Variants in DARS2 observed in about 807,000 individuals in gnomAD.
The protein encoded by DARS2 is aspartate--tRNA ligase, mitochondrial.
In DARS2, 63 loss-of-function variants were observed where a neutral mutation model predicts 83.0. The ratio of observed to expected loss-of-function variants is 0.76; its 90% CI spans 0.62 to 0.94. DARS2 has a LOEUF of 0.94. Among genes scored for constraint, DARS2 ranks in the 40% least tolerant of loss-of-function variants. DARS2 has a pLI of 0.00. For missense variants in DARS2, 675 were observed against 774.4 expected (o/e 0.87, Z 1.52); for synonymous variants, 250 against 269.3 (o/e 0.93, Z 0.70).
chr1:173,826,894 C>T (rs1209939234), intron 2 of DARS2, 108 bp downstream of exon 2: 1 of 830,850 alleles, frequency 1.2e-6, no homozygotes, highest in Admixed American at 1.9e-5. Context: ...TTTTGCAACT[C>T]CTGCAGGATT....
At chr1:173,826,223 CA>C (rs374688029) in intron 1 of DARS2, among the ~76,000 whole-genome samples, 13,183 of 124,310 alleles carry the variant, frequency 0.11, 1,787 homozygotes, top group African/African-American at 0.33. Flanking sequence ...GACTCCATCT[CA>C]AAAAAAAAAA....
rs1283319624 is a variant in DARS2, at chr1:173,836,937, A to G, written c.664-3A>G. On this transcript the variant is annotated splice_polypyrimidine_tract_variant and splice_region_variant and intron_variant, in intron 7 of 16. Coordinates refer to ENST00000649689, the MANE Select transcript of DARS2 (RefSeq NM_018122.5). ...CTTCTCTCTCTTTCTCTCTCTTTGA[A>G]AGGGTGCCAAAGAGTTTTTAGTACC... 6.2e-7 allele frequency: 1 copy of G among 1,610,716 alleles called. No individual in the cohort carries two copies. Among genetic ancestry groups the G allele is most frequent in the African/African-American group, 1.3e-5 (1 of 74,820 alleles).
intron 13 of DARS2, 101 bp downstream of exon 13, chr1:173,850,580 T>A: frequency 8.4e-7 from 1 of 1,197,448 alleles, no homozygotes; most frequent in Non-Finnish European, 1.2e-6. Flanking sequence ...TGTTAATTCA[T>A]AAAATGGAGC....
chr1:173,837,826 T>C (rs1653059498), intron 8 of DARS2, among the ~76,000 whole-genome samples: 1 of 151,890 alleles, frequency 6.6e-6, no homozygotes, highest in Non-Finnish European at 1.5e-5. Flanking sequence ...CAAGCTGGAG[T>C]GCAATGGCGC....
At chr1:173,827,173 A>C (rs183766534) in intron 2 of DARS2, among the ~76,000 whole-genome samples, 1 of 152,320 alleles carries the variant, frequency 6.6e-6, no homozygotes, top group Non-Finnish European at 1.5e-5. Context: ...GGAAAAGCTC[A>C]TCTTATTCCA....
At chr1:173,827,290 A>G (rs1288720922) in intron 2 of DARS2, among the ~76,000 whole-genome samples, 2 of 152,202 alleles carry the variant, frequency 1.3e-5, no homozygotes, top group African/African-American at 4.8e-5. Context: ...TGAATAGAAC[A>G]TTAATTCACA....
rs376561321 is a variant in DARS2 at position 173,828,319 on chromosome 1, C to T, written c.228-14C>T. 4 of 1,353,258 alleles carry T rather than the reference C, an allele frequency of 3.0e-6. No individual in the cohort carries two copies. Among genetic ancestry groups the T allele is most frequent in the Non-Finnish European group, 4.1e-6 (4 of 972,094 alleles). 83.8% of individuals were successfully genotyped at this position (1,353,258 alleles called of 1,614,324 possible). On this transcript the variant is annotated splice_polypyrimidine_tract_variant and intron_variant, in intron 2 of 16. Coordinates refer to ENST00000649689, the MANE Select transcript of DARS2 (RefSeq NM_018122.5). ...TATCTTAAAATGTTTCTTTTCCCCCCCCCCATTAATCAGGCAAAACACATT... is the reference window on the plus strand; with the variant it reads ...TATCTTAAAATGTTTCTTTTCCCCCTCCCCATTAATCAGGCAAAACACATT...
chr1:173,830,574 C>A, intron 3 of DARS2, 86 bp from the exon 4 acceptor site: 1 of 1,095,610 alleles, frequency 9.1e-7, no homozygotes, highest in Non-Finnish European at 1.4e-6. Flanking sequence ...TGACTATTAA[C>A]GTTTTTTAAA....
chr1:173,831,850 GT>G (rs1205516733), intron 5 of DARS2, among the ~76,000 whole-genome samples: 2 of 152,116 alleles, frequency 1.3e-5, no homozygotes, highest in Non-Finnish European at 2.9e-5. Context: ...TACCTAGACT[GT>G]TTTTTCAGAC....
rs1304745729 is a variant in DARS2 at position 173,842,317 on chromosome 1, T to TTTTTTTTTTTTTTTTTTTTTTG, written c.1128+1344_1128+1345insTTTTTTTTTTTTTTTTTTTTTG. Reference sequence around the variant, plus strand: ...TTTTTTTTTTTTTTTTTTTTTTTTTTAGAGTGAGTCTTGCTCTGTCGCCCA... The same window carrying TTTTTTTTTTTTTTTTTTTTTTG: ...TTTTTTTTTTTTTTTTTTTTTTTTTTTTTTTTTTTTTTTTTTTTTTTGAGAGTGAGTCTTGCTCTGTCGCCCA... On this transcript the variant is annotated intron_variant, in intron 11 of 16. Coordinates refer to ENST00000649689, the MANE Select transcript of DARS2 (RefSeq NM_018122.5). Among the ~76,000 whole-genome samples, 23 of 116,628 alleles carry TTTTTTTTTTTTTTTTTTTTTTG rather than the reference T, an allele frequency of 2.0e-4. 5 individuals are homozygous for TTTTTTTTTTTTTTTTTTTTTTG. Among genetic ancestry groups the TTTTTTTTTTTTTTTTTTTTTTG allele is most frequent in the African/African-American group, 9.8e-4 (23 of 23,540 alleles). The allele number at this position is 116,628 out of a possible 152,430, so 76.5% of individuals were successfully genotyped here.
intron 12 of DARS2, among the ~76,000 whole-genome samples, chr1:173,847,946 A>C (rs1320391524): frequency 7.3e-6 from 1 of 137,226 alleles, no homozygotes; most frequent in Non-Finnish European, 1.5e-5. Flanking sequence ...TCCGCCTCCC[A>C]GGTTCACGCC....
intron 16 of DARS2, among the ~76,000 whole-genome samples, chr1:173,857,212 C>T (rs917617975): frequency 6.6e-6 from 1 of 152,146 alleles, no homozygotes; most frequent in Non-Finnish European, 1.5e-5. Context: ...TTATGGAGTT[C>T]CCTGCCAAGC....
Position 173,847,249 on chromosome 1 carries a change from C to T in DARS2, c.1191+1958C>T, listed in dbSNP as rs561379528. 5.5e-4 allele frequency among the ~76,000 whole-genome samples: 84 copies of T among 152,030 alleles called. 1 individual carries two copies. The South Asian group carries it at 0.016, about 29-fold the overall frequency. On this transcript the variant is annotated intron_variant, in intron 12 of 16. Transcript: ENST00000649689. Reference sequence around the variant, plus strand: ...TTTTCTCTGTCGGCGGTGGGGATGGCGGGGGGATGAAATATGTCTTTTCTT... The same window carrying T: ...TTTTCTCTGTCGGCGGTGGGGATGGTGGGGGGATGAAATATGTCTTTTCTT...
chr1:173,830,806 T>C (rs1400550343), intron 4 of DARS2, 45 bp downstream of exon 4: 14 of 1,446,274 alleles, frequency 9.7e-6, no homozygotes, highest in Non-Finnish European at 1.4e-5. Flanking sequence ...CTTGTATGCA[T>C]TTGCACCATC....
At chr1:173,850,895 G>A (rs1261030443) in intron 13 of DARS2, among the ~76,000 whole-genome samples, 1 of 151,894 alleles carries the variant, frequency 6.6e-6, no homozygotes, top group Admixed American at 6.6e-5. Flanking sequence ...GTGAGCCACC[G>A]TGCCCAGCCT....
intron 2 of DARS2, 79 bp downstream of exon 2, chr1:173,826,865 C>T: frequency 9.6e-7 from 1 of 1,046,648 alleles, no homozygotes; most frequent in Non-Finnish European, 1.5e-6. Context: ...AATTTACAAC[C>T]AGTCCGAAGA....
In DARS2 at chr1:173,843,943, C is replaced by T. The variant is rs143744950; in HGVS notation, c.1129-1286C>T. On this transcript the variant is annotated intron_variant, in intron 11 of 16. Coordinates refer to ENST00000649689, the MANE Select transcript of DARS2 (RefSeq NM_018122.5). ...CAGCATGTGCTATCAAAGTGTCTGT[C>T]GAACTCTTAAGTTTATATGTATTTT... is the stretch of plus-strand genomic sequence containing the variant. 9.2e-5 allele frequency among the ~76,000 whole-genome samples: 14 copies of T among 152,232 alleles called. No homozygotes were observed. The East Asian group carries it at 2.5e-3, about 27-fold the overall frequency.
At chr1:173,850,514 GATGCTGAACA>G in intron 13 of DARS2, 35 bp downstream of exon 13, 1 of 1,604,990 alleles carries the variant, frequency 6.2e-7, no homozygotes. Context: ...CAGTGCTGTT[GATGCTGAACA>G]ATGCCTTACT....
chr1:173,842,496 T>G (rs1653268672), intron 11 of DARS2, among the ~76,000 whole-genome samples: 2 of 148,294 alleles, frequency 1.3e-5, no homozygotes, highest in African/African-American at 4.9e-5. Flanking sequence ...AGAGATGGAG[T>G]TTCACCATGT....
Sources: gnomAD v4.1 joint callset for allele counts (sites outside exome capture counted in the v4.1 genomes callset) on GRCh38, gnomAD v4.1.1 for gene constraint, MANE v1.5 for transcripts, NCBI Gene and HGNC (gene_info 2026-07-23, HGNC 2026-07-21) for gene names.